Variants in MYO16 observed in about 807,000 individuals in gnomAD.
The protein encoded by MYO16 is unconventional myosin-XVI.
Under a neutral mutation model 205.3 loss-of-function variants are expected in MYO16, and 94 were observed. That is an observed-to-expected ratio of 0.46 (90% confidence interval 0.39 to 0.54). The LOEUF is 0.54. MYO16 is among the 20% of genes least tolerant of loss of function. MYO16 has a pLI of 0.00. For missense variants in MYO16, 2,315 were observed against 2,387.5 expected (o/e 0.97, Z 0.63); for synonymous variants, 988 against 954.0 (o/e 1.04, Z -0.66).
intron 27 of MYO16, among the ~76,000 whole-genome samples, chr13:109,091,505 A>G (rs1320698541): frequency 6.6e-6 from 1 of 152,184 alleles, no homozygotes; most frequent in Non-Finnish European, 1.5e-5. Context: ...ATCGTAATCT[A>G]GTGTCTCCCG....
intron 2 of MYO16, among the ~76,000 whole-genome samples, chr13:108,667,146 A>G (rs1881768386): frequency 6.6e-6 from 1 of 152,202 alleles, no homozygotes; most frequent in South Asian, 2.1e-4. Context: ...AAATTCAATA[A>G]CATATGTGCT....
Position 108,990,643 on chromosome 13 carries a change from A to G in MYO16, c.2370-1733A>G, listed in dbSNP as rs1385213808. On this transcript the variant is annotated intron_variant, in intron 20 of 34. Transcript: ENST00000457511. ...TTTTATTCTTTCTTCTTATAAACTA[A>G]GTCAATTAGGAAAATATATTGAATG... Among the ~76,000 whole-genome samples, 9 of 152,314 alleles carry G rather than the reference A, an allele frequency of 5.9e-5. No individual in the cohort carries two copies. The East Asian group carries it at 7.7e-4, about 13-fold the overall frequency.
At chr13:108,569,524 T>C in the MYO16 span, among the ~76,000 whole-genome samples, 1 of 152,178 alleles carries the variant, frequency 6.6e-6, no homozygotes, top group Non-Finnish European at 1.5e-5. Context: ...TGCTTAATTA[T>C]TAGTTCTGAT....
the MYO16 span, among the ~76,000 whole-genome samples, chr13:108,509,859 ACT>A: frequency 3.3e-5 from 5 of 151,772 alleles, no homozygotes; most frequent in Non-Finnish European, 5.9e-5. Flanking sequence ...TGCATCATGG[ACT>A]CTCTCTTTTT....
At chr13:108,528,155 A>C in the MYO16 span, among the ~76,000 whole-genome samples, 6 of 152,360 alleles carry the variant, frequency 3.9e-5, no homozygotes, top group East Asian at 1.2e-3. Flanking sequence ...AGCTTTAAGC[A>C]ATTAAGTGGG....
rs9301335 is a variant in MYO16 at position 108,955,640 on chromosome 13, G to T, written c.1926-2048G>T. 4.9e-3 allele frequency among the ~76,000 whole-genome samples: 743 copies of T among 152,246 alleles called. 8 individuals carry two copies. In the Middle Eastern group the frequency reaches 0.051, roughly 10 times the overall value. Reference sequence around the variant, plus strand: ...AAGGCCAAGGCGGGTGGATCACGAGGTAAGGAGTTCAACCAGCCTGGCCAA... The same window carrying T: ...AAGGCCAAGGCGGGTGGATCACGAGTTAAGGAGTTCAACCAGCCTGGCCAA... On this transcript the variant is annotated intron_variant, in intron 16 of 34. Coordinates refer to ENST00000457511, the MANE Select transcript of MYO16 (RefSeq NM_001198950.3).
At position 109,120,291 on chromosome 13, in the gene MYO16, A is replaced by G; in HGVS notation, c.3439-79A>G. ...TTTCTTCTAATCCTCTGCTGGAAAA[A>G]TATTTTGTCTGATTATTTTTCCATC... is the stretch of plus-strand genomic sequence containing the variant. On this transcript the variant is annotated intron_variant, in intron 28 of 34. Coordinates refer to ENST00000457511, the MANE Select transcript of MYO16 (RefSeq NM_001198950.3). 9 of 1,016,412 alleles carry G rather than the reference A, an allele frequency of 8.9e-6. No individual in the cohort carries two copies. In the South Asian group the frequency reaches 1.4e-4, roughly 16 times the overall value. The allele number at this position is 1,016,412 out of a possible 1,614,324, so 63.0% of individuals were successfully genotyped here. A position where few individuals can be genotyped will look rare whatever the true frequency, so the allele number is the denominator to read the frequency against.
At chr13:108,991,325 A>G (rs749649564) in intron 20 of MYO16, among the ~76,000 whole-genome samples, 4 of 152,264 alleles carry the variant, frequency 2.6e-5, no homozygotes, top group Admixed American at 1.3e-4. Flanking sequence ...GATTTTTATC[A>G]TCTGTAACTG....
chr13:109,155,437 C>G (rs541459452), intron 32 of MYO16, among the ~76,000 whole-genome samples: 1 of 152,276 alleles, frequency 6.6e-6, no homozygotes, highest in African/African-American at 2.4e-5. Flanking sequence ...GAGCCCAGCC[C>G]GAGACATTTA....
chr13:109,133,767 A>T (rs1876647086), intron 31 of MYO16, among the ~76,000 whole-genome samples: 1 of 152,242 alleles, frequency 6.6e-6, no homozygotes, highest in Non-Finnish European at 1.5e-5. Flanking sequence ...CTCTTGATGT[A>T]AATTCATTTT....
intron 25 of MYO16, chr13:109,054,235 T>A (rs897412625): frequency 7.6e-6 from 2 of 261,686 alleles, no homozygotes; most frequent in East Asian, 2.5e-4. Flanking sequence ...CTACATATGA[T>A]CTTTTTCTTT....
rs1217244179 is a variant in MYO16 at position 109,141,462 on chromosome 13, G to T, written c.5164+86G>T. The T allele has an allele frequency of 1.0e-6, 1 of 963,838 alleles. No homozygotes were observed. Among genetic ancestry groups the T allele is most frequent in the African/African-American group, 1.7e-5 (1 of 58,242 alleles). 59.7% of individuals were successfully genotyped at this position (963,838 alleles called of 1,614,324 possible). On this transcript the variant is annotated intron_variant, in intron 32 of 34. Transcript: ENST00000457511. The surrounding 1 kb of genome is among the most constrained non-coding windows in gnomAD (Gnocchi z 4.1). ...TGTACATCCGTGTCTGCGCAGATGT[G>T]AAATAGTAAAGTTTCAGGTGATGGC...
At chr13:108,819,911 A>G (rs1276642997) in intron 7 of MYO16, among the ~76,000 whole-genome samples, 1 of 152,178 alleles carries the variant, frequency 6.6e-6, no homozygotes, top group Non-Finnish European at 1.5e-5. Flanking sequence ...ATATTATGGC[A>G]TATAGTCTAC....
At chr13:108,781,342 AG>A (rs1886295596) in intron 4 of MYO16, among the ~76,000 whole-genome samples, 1 of 152,202 alleles carries the variant, frequency 6.6e-6, no homozygotes, top group Admixed American at 6.5e-5. Context: ...CTGAGGTCTG[AG>A]GGCAGTGGGT....
intron 4 of MYO16, among the ~76,000 whole-genome samples, chr13:108,737,320 C>G (rs983352656): frequency 6.6e-5 from 10 of 152,124 alleles, no homozygotes; most frequent in Non-Finnish European, 1.3e-4. Flanking sequence ...CCATCAATAC[C>G]TAATTTATTG....
At chr13:108,604,426 G>A (rs1440747353) in intron 1 of MYO16, among the ~76,000 whole-genome samples, 1 of 152,180 alleles carries the variant, frequency 6.6e-6, no homozygotes, top group Non-Finnish European at 1.5e-5. Flanking sequence ...TAACACCAAG[G>A]AAATGAAGTA....
chr13:108,498,834 C>G, the MYO16 span, among the ~76,000 whole-genome samples: 1 of 152,128 alleles, frequency 6.6e-6, no homozygotes, highest in Admixed American at 6.5e-5. Flanking sequence ...CATTTAGTAT[C>G]TCATTTGATC....
At chr13:108,849,980 AC>A (rs1877761774) in intron 10 of MYO16, among the ~76,000 whole-genome samples, 2 of 121,268 alleles carry the variant, frequency 1.6e-5, no homozygotes, top group Middle Eastern at 7.2e-3. Flanking sequence ...TGTGTGTGTA[AC>A]TTATCCATAC....
rs141392622 is a variant in MYO16 at position 108,981,234 on chromosome 13, A to G, written c.2370-11142A>G. Among the ~76,000 whole-genome samples, 55 of 152,330 alleles carry G rather than the reference A, an allele frequency of 3.6e-4. 1 individual carries two copies. The East Asian group carries it at 0.01, about 28-fold the overall frequency. ...TCTCTGGATCTCCAGCATGCAGCAC[A>G]GTGCTTTCCCAATCAAGGTGCTCAA... On this transcript the variant is annotated intron_variant, in intron 20 of 34. Coordinates refer to ENST00000457511, the MANE Select transcript of MYO16 (RefSeq NM_001198950.3).
Sources: allele counts gnomAD v4.1 joint callset (sites outside exome capture counted in the v4.1 genomes callset), GRCh38; gene constraint gnomAD v4.1.1; non-coding constraint Gnocchi (gnomAD v3.1); transcripts MANE v1.5; gene names NCBI Gene and HGNC (gene_info 2026-07-23, HGNC 2026-07-21).